The following DDAH1 variants were observed in gnomAD, a reference collection of about 807,000 sequenced individuals.
DDAH1 encodes dimethylarginine dimethylaminohydrolase 1, also known as N(G),N(G)-dimethylarginine dimethylaminohydrolase 1.
Under a neutral mutation model 28.8 loss-of-function variants are expected in DDAH1, and 19 were observed. That is an observed-to-expected ratio of 0.66 (90% confidence interval 0.46 to 0.97). DDAH1 has a LOEUF of 0.97. Ranked by LOEUF, DDAH1 falls within the 50% of genes least tolerant of loss-of-function variation. DDAH1 has a pLI of 0.00. For missense variants in DDAH1, 326 were observed against 375.9 expected (o/e 0.87, Z 1.10); for synonymous variants, 153 against 154.4 (o/e 0.99, Z 0.07).
At chr1:85,374,520 T>A (rs1301221004) in intron 1 of DDAH1, among the ~76,000 whole-genome samples, 2 of 152,082 alleles carry the variant, frequency 1.3e-5, no homozygotes, top group Non-Finnish European at 2.9e-5. Context: ...TCCCTGGACT[T>A]GAAGTGAAAA....
rs887925377 is a variant in DDAH1 at position 85,572,825 on chromosome 1, T to A, written c.-123+5159A>T. On this transcript the variant is annotated intron_variant, in intron 1 of 6. Coordinates refer to the DDAH1 transcript ENST00000426972. ...GGCTCACCACTGCCTGTAGGCAAAG[T>A]CCCAGTGCCATGAGAGGTAAGCCCA... Among the ~76,000 whole-genome samples, 3 of 152,226 alleles carry A rather than the reference T, an allele frequency of 2.0e-5. No homozygotes were observed. In the South Asian group the frequency reaches 6.2e-4, roughly 32 times the overall value.
intron 1 of DDAH1, among the ~76,000 whole-genome samples, chr1:85,457,994 C>T (rs936752147): frequency 5.6e-5 from 8 of 143,090 alleles, no homozygotes; most frequent in South Asian, 2.2e-4. Flanking sequence ...CAGCCCAAAA[C>T]GTCTTTTAAT....
intron 4 of DDAH1, among the ~76,000 whole-genome samples, chr1:85,338,670 T>C (rs1235439920): frequency 6.6e-6 from 1 of 152,198 alleles, no homozygotes; most frequent in Non-Finnish European, 1.5e-5. Flanking sequence ...AGGAATGGGA[T>C]GTACATTTTA....
rs150579671 is a variant in DDAH1, at chr1:85,439,658, T to C, written c.303+25085A>G. Among the ~76,000 whole-genome samples, 890 of 152,338 alleles carry C rather than the reference T, an allele frequency of 5.8e-3. 9 individuals are homozygous for C. The highest frequency in any genetic ancestry group is 0.02 in the African/African-American group (826 of 41,570). Reference sequence around the variant, plus strand: ...TTGAAAAGTGCTTTCGATGTAAAATTTAGAAAGAATTCAACATACAGTTCA... The same window carrying C: ...TTGAAAAGTGCTTTCGATGTAAAATCTAGAAAGAATTCAACATACAGTTCA... On this transcript the variant is annotated intron_variant, in intron 1 of 5. Transcript: ENST00000284031.
At chr1:85,498,359 C>T (rs1242258960) in intron 1 of DDAH1, among the ~76,000 whole-genome samples, 1 of 152,146 alleles carries the variant, frequency 6.6e-6, no homozygotes, top group African/African-American at 2.4e-5. Context: ...TATTTCATTT[C>T]TTTTAAAGAC....
intron 4 of DDAH1, among the ~76,000 whole-genome samples, chr1:85,336,019 C>T (rs1369679973): frequency 2.8e-5 from 4 of 141,728 alleles, no homozygotes; most frequent in Non-Finnish European, 6.2e-5. Context: ...AAATAAAAAA[C>T]AAATGTCATT....
At chr1:85,571,787 C>CTTTTTTTTTTTTT (rs58835610) in intron 1 of DDAH1, among the ~76,000 whole-genome samples, 9 of 85,404 alleles carry the variant, frequency 1.1e-4, no homozygotes, top group Admixed American at 4.5e-4. Flanking sequence ...TGTTTATAAG[C>CTTTTTTTTTTTTT]TTTTTTTTTT....
At chr1:85,504,869 C>T (rs1195487771) in intron 1 of DDAH1, among the ~76,000 whole-genome samples, 5 of 151,546 alleles carry the variant, frequency 3.3e-5, no homozygotes, top group African/African-American at 1.2e-4. Flanking sequence ...AATACCTATC[C>T]TCATTCCCTA....
intron 1 of DDAH1, among the ~76,000 whole-genome samples, chr1:85,571,840 A>C (rs1483853737): frequency 6.8e-6 from 1 of 146,266 alleles, no homozygotes. Flanking sequence ...ACCTAACTAC[A>C]AAAGAAGGGG....
chr1:85,530,272 A>T (rs1658047499), intron 1 of DDAH1, among the ~76,000 whole-genome samples: 1 of 152,224 alleles, frequency 6.6e-6, no homozygotes, highest in South Asian at 2.1e-4. Flanking sequence ...TCCAGTCCCC[A>T]TATACTAATC....
At chr1:85,370,992 T>C (rs1192451515) in intron 1 of DDAH1, among the ~76,000 whole-genome samples, 1 of 152,152 alleles carries the variant, frequency 6.6e-6, no homozygotes. Context: ...ACTCAAACCA[T>C]GATCTGCAGG....
chr1:85,508,902 C>T (rs1657125223), intron 1 of DDAH1, among the ~76,000 whole-genome samples: 1 of 152,230 alleles, frequency 6.6e-6, no homozygotes, highest in East Asian at 1.9e-4. Context: ...CATAGCTGAA[C>T]AAAAGGCAGC....
intron 1 of DDAH1, among the ~76,000 whole-genome samples, chr1:85,446,491 TC>T (rs1309354546): frequency 6.6e-6 from 1 of 152,144 alleles, no homozygotes; most frequent in Non-Finnish European, 1.5e-5. Flanking sequence ...CCTAACCATA[TC>T]AATTGTCTAC....
At chr1:85,413,841 C>T (rs1001604) in intron 1 of DDAH1, among the ~76,000 whole-genome samples, 2 of 151,994 alleles carry the variant, frequency 1.3e-5, no homozygotes, top group African/African-American at 4.8e-5. Flanking sequence ...AAAACAGTAA[C>T]TGAATGTATG....
Position 85,349,525 on chromosome 1 carries a change from A to G in DDAH1, c.597+890T>C, listed in dbSNP as rs116608884. On this transcript the variant is annotated intron_variant, in intron 4 of 5. Transcript: ENST00000284031. Reference sequence around the variant, plus strand: ...TCGTGTGCAGGACCAGCTAAGAGGAAGGGGCTGCAGTCCTGACCCACCATT... The same window carrying G: ...TCGTGTGCAGGACCAGCTAAGAGGAGGGGGCTGCAGTCCTGACCCACCATT... 3.2e-3 allele frequency among the ~76,000 whole-genome samples: 492 copies of G among 152,308 alleles called. 2 individuals carry two copies. Among genetic ancestry groups the G allele is most frequent in the African/African-American group, 0.011 (468 of 41,578 alleles).
intron 1 of DDAH1, among the ~76,000 whole-genome samples, chr1:85,416,319 C>T (rs1393190684): frequency 6.6e-6 from 1 of 152,024 alleles, no homozygotes; most frequent in African/African-American, 2.4e-5. Flanking sequence ...CCTCAGCCTC[C>T]TGAGTAGCTG....
intron 1 of DDAH1, among the ~76,000 whole-genome samples, chr1:85,431,781 T>A (rs960267044): frequency 6.6e-6 from 1 of 152,188 alleles, no homozygotes; most frequent in Admixed American, 6.5e-5. Flanking sequence ...CTTACATATA[T>A]TTATTTACAG....
At chr1:85,548,560 C>A (rs893307266) in intron 1 of DDAH1, among the ~76,000 whole-genome samples, 9 of 152,214 alleles carry the variant, frequency 5.9e-5, no homozygotes, top group African/African-American at 2.2e-4. Flanking sequence ...AATAACAACA[C>A]AAACTATAGA....
intron 4 of DDAH1, among the ~76,000 whole-genome samples, chr1:85,337,642 T>C (rs1305527034): frequency 1.3e-5 from 2 of 152,020 alleles, no homozygotes; most frequent in Non-Finnish European, 2.9e-5. Context: ...TTAGTAAAGA[T>C]GGGGTTTCAC....
Sources: allele counts gnomAD v4.1 joint callset (sites outside exome capture counted in the v4.1 genomes callset), GRCh38; gene constraint gnomAD v4.1.1; transcripts MANE v1.5; gene names NCBI Gene and HGNC (gene_info 2026-07-23, HGNC 2026-07-21).